Variants in PPP2R2B observed in about 807,000 individuals in gnomAD.
The protein encoded by PPP2R2B is protein phosphatase 2 regulatory subunit Bbeta.
A neutral mutation model predicts 46.0 loss-of-function variants in PPP2R2B; 5 were observed. The ratio of observed to expected loss-of-function variants is 0.11; its 90% CI spans 0.06 to 0.23. The LOEUF (loss-of-function observed/expected upper bound fraction) is 0.23, where lower values mean the gene tolerates loss of function less well. Ranked by LOEUF, PPP2R2B falls within the 10% of genes least tolerant of loss-of-function variation. The pLI is 1.00. For missense variants in PPP2R2B, 367 were observed against 575.0 expected, an observed-to-expected ratio of 0.64 and a Z score of 3.70; for synonymous variants, 215 against 206.7, an observed-to-expected ratio of 1.04 and a Z score of -0.34.
At chr5:146,749,569 C>T (rs1055520605) in intron 2 of PPP2R2B, among the ~76,000 whole-genome samples, 2 of 151,516 alleles carry the variant, frequency 1.3e-5, no homozygotes, top group African/African-American at 4.9e-5. Context: ...CTTTGCTTAG[C>T]CTAGATCCTG....
At chr5:146,735,959 T>C (rs1194407856) in intron 2 of PPP2R2B, among the ~76,000 whole-genome samples, 1 of 152,214 alleles carries the variant, frequency 6.6e-6, no homozygotes, top group African/African-American at 2.4e-5. Context: ...GTGACTGATT[T>C]AGTTTGGCTG....
At chr5:146,775,455 T>A (rs377537216) in intron 2 of PPP2R2B, among the ~76,000 whole-genome samples, 96 of 152,284 alleles carry the variant, frequency 6.3e-4, no homozygotes, top group African/African-American at 2.0e-3. Context: ...CCTTTCATGA[T>A]AAAACCCTCA....
At chr5:147,037,918 A>G (rs1756117696) in intron 1 of PPP2R2B, among the ~76,000 whole-genome samples, 1 of 152,190 alleles carries the variant, frequency 6.6e-6, no homozygotes, top group Non-Finnish European at 1.5e-5. Flanking sequence ...TGCCTGGCAT[A>G]AAGTCAAGAC....
At chr5:146,855,663 A>G (rs1760616238) in intron 2 of PPP2R2B, among the ~76,000 whole-genome samples, 1 of 152,120 alleles carries the variant, frequency 6.6e-6, no homozygotes, top group African/African-American at 2.4e-5. Context: ...GATCTCTCTC[A>G]GGGTTCATAC....
At chr5:146,798,043 A>G (rs542492320) in intron 2 of PPP2R2B, among the ~76,000 whole-genome samples, 1 of 152,214 alleles carries the variant, frequency 6.6e-6, no homozygotes, top group Admixed American at 6.5e-5. Flanking sequence ...CATCCGAGAC[A>G]GGCATTTGTC....
chr5:146,672,510 G>T (rs1777434905), intron 5 of PPP2R2B, among the ~76,000 whole-genome samples: 1 of 152,084 alleles, frequency 6.6e-6, no homozygotes, highest in Non-Finnish European at 1.5e-5. Flanking sequence ...AGACATGGGG[G>T]TGGGGGGAAT....
At chr5:146,975,208 T>A (rs1752845781) in intron 1 of PPP2R2B, among the ~76,000 whole-genome samples, 1 of 152,204 alleles carries the variant, frequency 6.6e-6, no homozygotes, top group Non-Finnish European at 1.5e-5. Context: ...CTAGCTTTAT[T>A]TCTAAGAGTG....
At chr5:146,938,101 G>A (rs962038695) in intron 1 of PPP2R2B, among the ~76,000 whole-genome samples, 2 of 152,122 alleles carry the variant, frequency 1.3e-5, no homozygotes, top group Admixed American at 1.3e-4. Flanking sequence ...TGCTTAGATT[G>A]AGGTACCGTA....
At chr5:147,042,168 A>G (rs1273522197) in intron 1 of PPP2R2B, among the ~76,000 whole-genome samples, 1 of 152,014 alleles carries the variant, frequency 6.6e-6, no homozygotes, top group Non-Finnish European at 1.5e-5. Flanking sequence ...TCCTGTAACC[A>G]TTTATCCTTT....
intron 2 of PPP2R2B, among the ~76,000 whole-genome samples, chr5:146,798,047 A>T (rs1018266363): frequency 6.6e-6 from 1 of 152,006 alleles, no homozygotes; most frequent in Non-Finnish European, 1.5e-5. Flanking sequence ...CGAGACAGGC[A>T]TTTGTCTTAT....
At chr5:146,758,133 A>G (rs1753949175) in intron 2 of PPP2R2B, among the ~76,000 whole-genome samples, 1 of 152,160 alleles carries the variant, frequency 6.6e-6, no homozygotes, top group South Asian at 2.1e-4. Flanking sequence ...CTTCCTCTCA[A>G]CATTAACATC....
chr5:146,809,361 T>C (rs1757386725), intron 2 of PPP2R2B, among the ~76,000 whole-genome samples: 1 of 152,084 alleles, frequency 6.6e-6, no homozygotes, highest in South Asian at 2.1e-4. Context: ...AATTTAGAAA[T>C]TCATCAAGTC....
At chr5:147,057,677 G>A (rs970206046), upstream of PPP2R2B, among the ~76,000 whole-genome samples, 4 of 152,208 alleles carry the variant, frequency 2.6e-5, no homozygotes, top group Non-Finnish European at 4.4e-5. Flanking sequence ...AACTACCAAT[G>A]TTGCTGCTGT....
At chr5:146,913,473 C>T (rs1004234160) in intron 1 of PPP2R2B, among the ~76,000 whole-genome samples, 3 of 152,058 alleles carry the variant, frequency 2.0e-5, no homozygotes, top group Non-Finnish European at 4.4e-5. Flanking sequence ...GAAATAGAGG[C>T]CAACATATAG....
At chr5:147,021,054 C>A (rs980540125) in intron 1 of PPP2R2B, among the ~76,000 whole-genome samples, 1 of 152,004 alleles carries the variant, frequency 6.6e-6, no homozygotes, top group Non-Finnish European at 1.5e-5. Context: ...ACTTTTTTGA[C>A]TTTTGTTTCT....
intron 5 of PPP2R2B, among the ~76,000 whole-genome samples, chr5:146,689,762 C>G (rs17105175): frequency 0.21 from 31,656 of 152,048 alleles, 4,825 homozygotes; most frequent in African/African-American, 0.43. Context: ...GAGCATCAAG[C>G]CTGGATTTAT....
chr5:146,745,160 C>CACAGAG (rs1372378272), intron 2 of PPP2R2B, among the ~76,000 whole-genome samples: 9 of 94,950 alleles, frequency 9.5e-5, no homozygotes, highest in African/African-American at 3.2e-4. Context: ...CAGAGAAAGA[C>CACAGAG]AGAGAGAGAG....
At chr5:146,781,131 G>GATATATATATAT (rs56697862) in intron 2 of PPP2R2B, among the ~76,000 whole-genome samples, 938 of 49,190 alleles carry the variant, frequency 0.019, 63 homozygotes, top group Middle Eastern at 0.032. Flanking sequence ...ATGCCACCAT[G>GATATATATATAT]ATATATATAT....
chr5:146,927,141 A>G (rs1763809005), intron 1 of PPP2R2B, among the ~76,000 whole-genome samples: 2 of 152,120 alleles, frequency 1.3e-5, no homozygotes, highest in Non-Finnish European at 2.9e-5. Context: ...ATGTCCCATG[A>G]TTTTTAAAAA....
Sources: gnomAD v4.1 joint callset for allele counts (sites outside exome capture counted in the v4.1 genomes callset) on GRCh38, gnomAD v4.1.1 for gene constraint, MANE v1.5 for transcripts, NCBI Gene and HGNC (gene_info 2026-07-23, HGNC 2026-07-21) for gene names.